The following ADGRL2 variants were observed in gnomAD, a reference collection of about 807,000 sequenced individuals.
ADGRL2 encodes adhesion G protein-coupled receptor L2.
A neutral mutation model predicts 157.4 loss-of-function variants in ADGRL2; 44 were observed. That is an observed-to-expected ratio of 0.28 (90% confidence interval 0.22 to 0.36). The LOEUF (loss-of-function observed/expected upper bound fraction) is 0.36, where lower values mean the gene tolerates loss of function less well. Ranked by LOEUF, ADGRL2 falls within the 10% of genes least tolerant of loss-of-function variation. The pLI, the probability that ADGRL2 is intolerant of heterozygous loss-of-function variation, is 1.00. For missense variants in ADGRL2, 1,510 were observed against 1,768.9 expected (o/e 0.85, Z 2.63); for synonymous variants, 585 against 624.7 (o/e 0.94, Z 0.95).
intron 1 of ADGRL2, among the ~76,000 whole-genome samples, chr1:81,719,716 A>AT (rs1382761647): frequency 3.3e-5 from 5 of 152,156 alleles, no homozygotes; most frequent in African/African-American, 9.7e-5. Flanking sequence ...GGTGCATCAT[A>AT]TATCATCCCT....
chr1:81,557,467 G>GAAAGAAGAAAGAAGA (rs1553123680), intron 2 of ADGRL2: 7 of 122,202 alleles, frequency 5.7e-5, no homozygotes, highest in Middle Eastern at 4.0e-3. Context: ...AAGAAAGAAA[G>GAAAGAAGAAAGAAGA]AAGAAAGAAA....
intron 3 of ADGRL2, among the ~76,000 whole-genome samples, chr1:81,606,975 A>G (rs2081447961): frequency 6.6e-6 from 1 of 152,174 alleles, no homozygotes; most frequent in Non-Finnish European, 1.5e-5. Context: ...ACCAAAAGCA[A>G]CACTTTCATG....
chr1:81,568,848 A>G (rs759081959), intron 2 of ADGRL2, among the ~76,000 whole-genome samples: 15 of 152,046 alleles, frequency 9.9e-5, no homozygotes, highest in Non-Finnish European at 2.1e-4. Context: ...ATTTTTACCT[A>G]TGTTCTTGGA....
chr1:81,546,405 G>A (rs1449333335), intron 2 of ADGRL2, among the ~76,000 whole-genome samples: 2 of 152,064 alleles, frequency 1.3e-5, no homozygotes, highest in African/African-American at 2.4e-5. Flanking sequence ...TAGTTAATTT[G>A]GATCTAAAGA....
Position 81,721,650 on chromosome 1 carries a change from A to T in ADGRL2, c.-143+21842A>T, listed in dbSNP as rs918182766. 84 of 893,822 alleles carry T rather than the reference A, an allele frequency of 9.4e-5. No individual in the cohort carries two copies. The Middle Eastern group carries it at 1.4e-3, about 15-fold the overall frequency. 55.4% of individuals were successfully genotyped at this position (893,822 alleles called of 1,614,324 possible). A position where few individuals can be genotyped will look rare whatever the true frequency, so the allele number is the denominator to read the frequency against. On this transcript the variant is annotated intron_variant, in intron 1 of 20. Transcript: ENST00000359929. ...ACGCCAAGCCAGCGCCTGGGCCTGG[A>T]ACCGGGCTGCAGCTCTTCAGCTTCG...
chr1:81,928,278 G>A (rs1280181413), intron 3 of ADGRL2, among the ~76,000 whole-genome samples: 1 of 152,024 alleles, frequency 6.6e-6, no homozygotes, highest in Non-Finnish European at 1.5e-5. Flanking sequence ...TTTGTTATTG[G>A]CATTGATGAT....
Position 81,910,736 on chromosome 1 carries a change from T to A in ADGRL2, c.287+3506T>A, listed in dbSNP as rs11163393. Among the ~76,000 whole-genome samples the A allele has an allele frequency of 6.2e-3, 922 of 148,806 alleles. 7 individuals carry two copies. Among genetic ancestry groups the A allele is most frequent in the African/African-American group, 0.019 (790 of 40,734 alleles). ...TTATATAGAATAACTTGTCCTTTTTTAAAAAAAAAACTTAAAAATCCCAAA... is the reference window on the plus strand; with the variant it reads ...TTATATAGAATAACTTGTCCTTTTTAAAAAAAAAAACTTAAAAATCCCAAA... On this transcript the variant is annotated intron_variant, in intron 3 of 23. Transcript: ENST00000686636.
At chr1:81,763,480 T>C (rs2085974462) in intron 2 of ADGRL2, among the ~76,000 whole-genome samples, 1 of 151,306 alleles carries the variant, frequency 6.6e-6, no homozygotes, top group African/African-American at 2.4e-5. Flanking sequence ...TCCCAGCTAC[T>C]TGGGAGGCTG....
intron 1 of ADGRL2, among the ~76,000 whole-genome samples, chr1:81,330,046 C>T (rs944851438): frequency 1.3e-5 from 2 of 152,050 alleles, no homozygotes; most frequent in Admixed American, 6.6e-5. Context: ...AAGTAAATGG[C>T]AGTATTTTCG....
At chr1:81,865,883 G>A (rs558627552) in intron 2 of ADGRL2, among the ~76,000 whole-genome samples, 1 of 152,314 alleles carries the variant, frequency 6.6e-6, no homozygotes, top group Non-Finnish European at 1.5e-5. Flanking sequence ...CAGCAGTTTT[G>A]AAGAAGAAGG....
chr1:81,540,671 A>T (rs577738957), intron 2 of ADGRL2, among the ~76,000 whole-genome samples: 5 of 152,326 alleles, frequency 3.3e-5, no homozygotes, highest in Middle Eastern at 3.4e-3. Flanking sequence ...AAAAAAAAAT[A>T]AAAAATAAAC....
intron 1 of ADGRL2, among the ~76,000 whole-genome samples, chr1:81,417,338 G>C (rs899993427): frequency 2.7e-4 from 41 of 151,956 alleles, no homozygotes; most frequent in African/African-American, 9.9e-4. Context: ...TTATAATTTT[G>C]GTTCATTAAC....
chr1:81,382,359 A>G (rs1472506038), intron 1 of ADGRL2, among the ~76,000 whole-genome samples: 3 of 152,136 alleles, frequency 2.0e-5, no homozygotes, highest in Non-Finnish European at 4.4e-5. Context: ...TTGCTATTTG[A>G]GTTTAAAATA....
At chr1:81,663,617 A>G (rs1215483695) in intron 3 of ADGRL2, among the ~76,000 whole-genome samples, 3 of 152,192 alleles carry the variant, frequency 2.0e-5, no homozygotes, top group African/African-American at 7.2e-5. Context: ...GTGCTGGTCC[A>G]GTTCTTCTTA....
At chr1:81,572,249 C>G (rs1420723371) in intron 2 of ADGRL2, among the ~76,000 whole-genome samples, 5 of 152,064 alleles carry the variant, frequency 3.3e-5, no homozygotes, top group African/African-American at 4.8e-5. Flanking sequence ...TATTTTTAAC[C>G]CACATTTTAA....
intron 1 of ADGRL2, among the ~76,000 whole-genome samples, chr1:81,383,528 T>C (rs1208779227): frequency 6.6e-6 from 1 of 152,008 alleles, no homozygotes; most frequent in African/African-American, 2.4e-5. Flanking sequence ...AAAGCTCAAC[T>C]TCTCTGATAA....
intron 3 of ADGRL2, among the ~76,000 whole-genome samples, chr1:81,912,085 T>G (rs1181281857): frequency 6.6e-6 from 1 of 151,978 alleles, no homozygotes; most frequent in East Asian, 1.9e-4. Context: ...TTTTTATTTT[T>G]TTTTGAGATA....
At chr1:81,614,635 G>A (rs189199248) in intron 3 of ADGRL2, among the ~76,000 whole-genome samples, 8 of 152,210 alleles carry the variant, frequency 5.3e-5, no homozygotes, top group Admixed American at 5.2e-4. Context: ...CTAGATTCCA[G>A]TTCTGCAGGA....
chr1:81,671,757 C>T (rs2082880607), intron 3 of ADGRL2, among the ~76,000 whole-genome samples: 1 of 152,178 alleles, frequency 6.6e-6, no homozygotes, highest in Admixed American at 6.5e-5. Flanking sequence ...AGGTGATCCA[C>T]CCACCTTGGC....
Sources: gnomAD v4.1 joint callset for allele counts (sites outside exome capture counted in the v4.1 genomes callset) on GRCh38, gnomAD v4.1.1 for gene constraint, MANE v1.5 for transcripts, NCBI Gene and HGNC (gene_info 2026-07-23, HGNC 2026-07-21) for gene names.